The following LIPC variants were observed in gnomAD, a reference collection of about 807,000 sequenced individuals.
LIPC encodes hepatic triacylglycerol lipase.
In LIPC, 44 loss-of-function variants were observed where a neutral mutation model predicts 50.7. The ratio of observed to expected loss-of-function variants is 0.87; its 90% CI spans 0.68 to 1.11. The LOEUF is 1.11. Ranked by LOEUF, LIPC falls within the 50% of genes most tolerant of loss-of-function variation. The pLI, the probability that LIPC is intolerant of heterozygous loss-of-function variation, is 0.00. For synonymous variants in LIPC, 271 were observed against 256.4 expected (o/e 1.06, Z -0.54); for missense variants, 697 against 648.2 (o/e 1.08, Z -0.82).
At chr15:58,511,245 A>G (rs77403298) in intron 1 of LIPC, among the ~76,000 whole-genome samples, 2,163 of 152,220 alleles carry the variant, frequency 0.014, 22 homozygotes, top group Middle Eastern at 0.075. Context: ...CTGTTCATTC[A>G]ACTCAAAGGC....
rs139207345 is a variant in LIPC at position 58,563,432 on chromosome 15, C to G, written c.1170-73C>G. 3.4e-5 allele frequency: 42 copies of G among 1,253,562 alleles called. 1 individual carries two copies. In the African/African-American group the frequency reaches 5.2e-4, roughly 15 times the overall value. 77.7% of individuals were successfully genotyped at this position (1,253,562 alleles called of 1,614,324 possible). On this transcript the variant is annotated intron_variant, in intron 7 of 8. Coordinates refer to ENST00000299022, the MANE Select transcript of LIPC (RefSeq NM_000236.3). The stretch of plus-strand genomic sequence containing the variant: ...AGTCATTCAGGGAAACACAACACAT[C>G]CTGAATGTGTGTGACCGTCACTTTG...
chr15:58,446,570 A>T (rs189880418), intron 1 of LIPC, among the ~76,000 whole-genome samples: 1 of 152,238 alleles, frequency 6.6e-6, no homozygotes, highest in Non-Finnish European at 1.5e-5. Context: ...GGTTGTGAGC[A>T]TCTTGGTTAC....
At chr15:58,533,947 G>A (rs184478017) in intron 1 of LIPC, among the ~76,000 whole-genome samples, 1 of 152,014 alleles carries the variant, frequency 6.6e-6, no homozygotes, top group African/African-American at 2.4e-5. Flanking sequence ...AATTTGAAGG[G>A]GAAAAAAAAG....
In LIPC at chr15:58,538,315, C is replaced by T; in HGVS notation, c.89-18C>T. On this transcript the variant is annotated intron_variant, in intron 1 of 8. Coordinates refer to ENST00000299022, the MANE Select transcript of LIPC (RefSeq NM_000236.3). ...AGCAGATGCCAGGCTAAGCACCGTCCCCAATCTTATATTGCAGAGCCATTT... is the reference window on the plus strand; with the variant it reads ...AGCAGATGCCAGGCTAAGCACCGTCTCCAATCTTATATTGCAGAGCCATTT... 6.2e-7 allele frequency: 1 copy of T among 1,613,708 alleles called. No individual in the cohort carries two copies. The highest frequency in any genetic ancestry group is 1.3e-5 in the African/African-American group (1 of 75,038).
At chr15:58,509,819 T>G (rs1265727688) in intron 1 of LIPC, among the ~76,000 whole-genome samples, 8 of 152,182 alleles carry the variant, frequency 5.3e-5, no homozygotes, top group African/African-American at 1.9e-4. Context: ...TATACAAAAT[T>G]ACATAATATG....
intron 6 of LIPC, among the ~76,000 whole-genome samples, chr15:58,549,215 C>T (rs1325199926): frequency 1.3e-5 from 2 of 152,172 alleles, no homozygotes; most frequent in Non-Finnish European, 2.9e-5. Context: ...TCCACTGAAA[C>T]CTAAATCCTC....
At chr15:58,449,037 A>G (rs1893805804) in intron 1 of LIPC, among the ~76,000 whole-genome samples, 1 of 151,926 alleles carries the variant, frequency 6.6e-6, no homozygotes. Context: ...GCAGGCCGGA[A>G]AGCGCTAGGT....
intron 1 of LIPC, among the ~76,000 whole-genome samples, chr15:58,532,812 C>G (rs772523833): frequency 1.3e-5 from 2 of 152,146 alleles, no homozygotes; most frequent in South Asian, 2.1e-4. Context: ...TGTCCTTACC[C>G]AAAAGAAAAT....
In LIPC at chr15:58,538,342, G is replaced by A. The variant is rs1475242335; in HGVS notation, c.98G>A (p.Gly33Glu). 1.2e-6 allele frequency: 2 copies of A among 1,614,220 alleles called. No homozygotes were observed. Among genetic ancestry groups the A allele is most frequent in the Non-Finnish European group, 1.7e-6 (2 of 1,180,024 alleles). The change falls in exon 2 of 9, where the codon GGA (glycine) becomes GAA (glutamate). Residue 33 changes from glycine (G) to glutamate (E), a missense_variant. Coordinates refer to ENST00000299022, the MANE Select transcript of LIPC (RefSeq NM_000236.3). The stretch of plus-strand genomic sequence containing the variant: ...CAATCTTATATTGCAGAGCCATTTG[G>A]AAGAAGAGCTCAAGCTGTTGAAACA... ...LGQSLKPEPF[G>E]RRAQAVETNK...
At chr15:58,458,667 T>C (rs1047720731) in intron 1 of LIPC, among the ~76,000 whole-genome samples, 6 of 152,218 alleles carry the variant, frequency 3.9e-5, no homozygotes, top group Non-Finnish European at 2.9e-5. Flanking sequence ...CTATGGTTTC[T>C]TTCCCCATCA....
chr15:58,563,482 CT>C (rs1566953306), intron 7 of LIPC, 22 bp from the exon 8 acceptor site: 1 of 1,585,174 alleles, frequency 6.3e-7, no homozygotes, highest in Admixed American at 1.7e-5. Flanking sequence ...CTGATTGTGT[CT>C]GATTTTCTTT....
At chr15:58,485,008 A>G (rs1891319474) in intron 1 of LIPC, among the ~76,000 whole-genome samples, 1 of 152,240 alleles carries the variant, frequency 6.6e-6, no homozygotes, top group Admixed American at 6.5e-5. Flanking sequence ...AGAAGAGGCT[A>G]AAACATGAGC....
intron 1 of LIPC, among the ~76,000 whole-genome samples, chr15:58,506,118 G>A (rs1476089860): frequency 6.6e-6 from 1 of 152,158 alleles, no homozygotes; most frequent in East Asian, 1.9e-4. Flanking sequence ...GGTGCCTGTA[G>A]TACCTCTTCC....
At chr15:58,542,723 A>G (rs532230470) in intron 4 of LIPC, 72 bp downstream of exon 4, 2 of 991,120 alleles carry the variant, frequency 2.0e-6, no homozygotes, top group African/African-American at 1.6e-5. Context: ...TGCTTTTCCA[A>G]CAGGCTCATC....
intron 8 of LIPC, chr15:58,566,449 T>C: frequency 1.5e-5 from 15 of 985,160 alleles, no homozygotes; most frequent in Non-Finnish European, 1.8e-5. Context: ...ACGAGAATCA[T>C]AATATACATT....
intron 1 of LIPC, among the ~76,000 whole-genome samples, chr15:58,438,722 A>G (rs1012402417): frequency 7.2e-5 from 11 of 152,304 alleles, no homozygotes; most frequent in South Asian, 2.1e-4. Flanking sequence ...GCAATTCCTA[A>G]ACATGGTCAC....
At chr15:58,542,791 A>G in intron 4 of LIPC, 140 bp downstream of exon 4, 1 of 664,000 alleles carries the variant, frequency 1.5e-6, no homozygotes, top group Non-Finnish European at 2.8e-6. Context: ...GACTTGTGAC[A>G]TTCTTTCAAA....
chr15:58,495,022 C>T, intron 1 of LIPC: 1 of 386,562 alleles, frequency 2.6e-6, no homozygotes, highest in Non-Finnish European at 5.1e-6. Context: ...GCCCCCTTAC[C>T]CTGCCCTAAG....
chr15:58,545,147 T>A (rs542155993), intron 4 of LIPC, among the ~76,000 whole-genome samples: 56 of 152,270 alleles, frequency 3.7e-4, no homozygotes, highest in Non-Finnish European at 7.2e-4. Flanking sequence ...TTGGCTTTTT[T>A]TGTATGCAAA....
Sources: allele counts gnomAD v4.1 joint callset (sites outside exome capture counted in the v4.1 genomes callset), GRCh38; gene constraint gnomAD v4.1.1; transcripts MANE v1.5; gene names NCBI Gene and HGNC (gene_info 2026-07-23, HGNC 2026-07-21).